The following KYNU variants were observed in gnomAD, a reference collection of about 807,000 sequenced individuals.
The protein encoded by KYNU is kynureninase.
In KYNU, 54 loss-of-function variants were observed where a neutral mutation model predicts 59.2. That is an observed-to-expected ratio of 0.91 (90% CI 0.73 to 1.14). The LOEUF (loss-of-function observed/expected upper bound fraction) is 1.14. Among genes scored for constraint, KYNU ranks in the 50% most tolerant of loss-of-function variants. KYNU has a pLI of 0.00. For synonymous variants in KYNU, 177 were observed against 192.0 expected (o/e 0.92, Z 0.65); for missense variants, 567 against 554.4 (o/e 1.02, Z -0.23).
Position 143,046,787 on chromosome 2 carries a change from A to G in KYNU, c.*4615A>G, listed in dbSNP as rs965034428. 4 of 151,868 alleles carry G rather than the reference A, an allele frequency of 2.6e-5. No homozygotes were observed. Among genetic ancestry groups the G allele is most frequent in the Admixed American group, 2.6e-4 (4 of 15,230 alleles). 9.4% of individuals were successfully genotyped at this position (151,868 alleles called of 1,614,324 possible). A position where few individuals can be genotyped will look rare whatever the true frequency, so the allele number is the denominator to read the frequency against. ...ATCCTGGGCCCCCTACTTTTTTTAT[A>G]TTTTTGAATACATCTAAATAAATTT... On this transcript the variant is annotated 3_prime_UTR_variant, in exon 14 of 14. Transcript: ENST00000264170.
intron 8 of KYNU, among the ~76,000 whole-genome samples, chr2:142,983,740 G>A (rs1391804911): frequency 1.3e-5 from 2 of 151,958 alleles, no homozygotes; most frequent in Non-Finnish European, 2.9e-5. Flanking sequence ...ATTTTAAAAT[G>A]TATTTATTTG....
intron 10 of KYNU, among the ~76,000 whole-genome samples, chr2:143,026,774 T>A (rs1473496629): frequency 6.6e-6 from 1 of 152,188 alleles, no homozygotes; most frequent in African/African-American, 2.4e-5. Context: ...GCATTAGTGT[T>A]AATAGCTCAG....
intron 2 of KYNU, among the ~76,000 whole-genome samples, chr2:142,902,790 A>C (rs991142314): frequency 6.6e-6 from 1 of 152,232 alleles, no homozygotes; most frequent in Non-Finnish European, 1.5e-5. Context: ...TTCAGGTATG[A>C]GAACTGTCTC....
intron 8 of KYNU, among the ~76,000 whole-genome samples, chr2:142,962,081 G>A (rs1423686362): frequency 6.6e-6 from 1 of 152,170 alleles, no homozygotes; most frequent in African/African-American, 2.4e-5. Flanking sequence ...TAATTTAGAT[G>A]TTAAATGTTA....
chr2:142,996,987 A>G (rs1223411633), intron 10 of KYNU, among the ~76,000 whole-genome samples: 1 of 152,188 alleles, frequency 6.6e-6, no homozygotes, highest in Non-Finnish European at 1.5e-5. Context: ...AAATCTGAGC[A>G]TCACCGGCTA....
At chr2:142,965,995 C>T (rs367922454) in intron 8 of KYNU, among the ~76,000 whole-genome samples, 13 of 150,962 alleles carry the variant, frequency 8.6e-5, no homozygotes, top group East Asian at 3.9e-4. Context: ...TTTCTTTTAT[C>T]GTCTCATTTC....
intron 2 of KYNU, among the ~76,000 whole-genome samples, chr2:142,912,073 G>A (rs351705): frequency 0.044 from 6,647 of 152,110 alleles, 382 homozygotes; most frequent in Admixed American, 0.12. Context: ...AGAATGAGTC[G>A]GGGAGGAGTC....
chr2:142,890,273 T>C (rs912204610), intron 2 of KYNU, among the ~76,000 whole-genome samples: 1 of 152,116 alleles, frequency 6.6e-6, no homozygotes, highest in Non-Finnish European at 1.5e-5. Context: ...ATAATAAATA[T>C]TCCTGTTTGA....
intron 3 of KYNU, among the ~76,000 whole-genome samples, chr2:142,920,374 G>T (rs769021051): frequency 6.6e-6 from 1 of 152,212 alleles, no homozygotes; most frequent in Non-Finnish European, 1.5e-5. Flanking sequence ...CAGATAATTA[G>T]ATTGAATGAA....
Position 143,054,516 on chromosome 2 carries a change from G to A in KYNU, c.*12344G>A, listed in dbSNP as rs895926254. ...TATTAATATATAGTGGAGGCATCAC[G>A]TTGTTATGAACTTCATTGATCAATA... On this transcript the variant is annotated 3_prime_UTR_variant, in exon 14 of 14. Transcript: ENST00000264170. 10 of 152,124 alleles carry A rather than the reference G, an allele frequency of 6.6e-5. No individual in the cohort carries two copies. Among genetic ancestry groups the A allele is most frequent in the South Asian group, 4.1e-4 (2 of 4,834 alleles). 9.4% of individuals were successfully genotyped at this position (152,124 alleles called of 1,614,324 possible).
intron 4 of KYNU, among the ~76,000 whole-genome samples, chr2:142,945,738 G>A (rs1683752954): frequency 7.4e-6 from 1 of 136,020 alleles, no homozygotes; most frequent in African/African-American, 2.9e-5. Flanking sequence ...TTTTTTAATT[G>A]TATTTAATTT....
At chr2:142,889,241 G>C (rs1186424671) in intron 2 of KYNU, among the ~76,000 whole-genome samples, 1 of 152,144 alleles carries the variant, frequency 6.6e-6, no homozygotes. Context: ...TTGAATGAAA[G>C]AAATGAATAG....
chr2:142,930,012 G>A (rs1028664163), intron 4 of KYNU, among the ~76,000 whole-genome samples: 1 of 152,144 alleles, frequency 6.6e-6, no homozygotes, highest in Non-Finnish European at 1.5e-5. Context: ...ACAACAGAAG[G>A]CTTTGTAGGG....
At chr2:142,998,601 A>G (rs1238529794) in intron 10 of KYNU, among the ~76,000 whole-genome samples, 1 of 152,172 alleles carries the variant, frequency 6.6e-6, no homozygotes, top group Non-Finnish European at 1.5e-5. Flanking sequence ...CACTAAATCA[A>G]GTGTCTAGGA....
chr2:143,029,773 G>A, intron 11 of KYNU, 94 bp downstream of exon 11: 3 of 766,286 alleles, frequency 3.9e-6, no homozygotes, highest in Non-Finnish European at 7.0e-6. Context: ...TATGCCCCAG[G>A]GAGAGTGCAC....
intron 4 of KYNU, among the ~76,000 whole-genome samples, chr2:142,946,361 C>G (rs1218459733): frequency 6.6e-6 from 1 of 152,082 alleles, no homozygotes; most frequent in East Asian, 1.9e-4. Flanking sequence ...TGGGATTACC[C>G]TGCCCGGCTG....
chr2:142,919,934 T>A (rs1558921772), intron 3 of KYNU, among the ~76,000 whole-genome samples: 2 of 152,130 alleles, frequency 1.3e-5, no homozygotes, highest in Non-Finnish European at 2.9e-5. Context: ...TAGCCTGGCA[T>A]GGTGGCAAGT....
intron 2 of KYNU, among the ~76,000 whole-genome samples, chr2:142,897,632 T>C (rs1258709324): frequency 1.3e-5 from 2 of 152,210 alleles, no homozygotes; most frequent in East Asian, 3.8e-4. Context: ...AATTTCAGGT[T>C]CACCAATCTG....
At chr2:142,906,265 A>T (rs1245984564) in intron 2 of KYNU, among the ~76,000 whole-genome samples, 2 of 152,222 alleles carry the variant, frequency 1.3e-5, no homozygotes, top group Non-Finnish European at 2.9e-5. Context: ...CCAGTTCCAG[A>T]AGTTAAAGTA....
Sources: gnomAD v4.1 joint callset for allele counts (sites outside exome capture counted in the v4.1 genomes callset) on GRCh38, gnomAD v4.1.1 for gene constraint, MANE v1.5 for transcripts, NCBI Gene and HGNC (gene_info 2026-07-23, HGNC 2026-07-21) for gene names.